The following AKAP19 variants were observed in gnomAD, a reference collection of about 807,000 sequenced individuals.
AKAP19 encodes the protein A-kinase anchoring protein 19.
the AKAP19 span, among the ~76,000 whole-genome samples, chr2:189,936,983 A>T: frequency 6.6e-6 from 1 of 152,068 alleles, no homozygotes; most frequent in African/African-American, 2.4e-5. Flanking sequence ...AAAATAAAAA[A>T]ATGTATGTGG....
the AKAP19 span, among the ~76,000 whole-genome samples, chr2:190,025,695 A>G: frequency 6.6e-6 from 1 of 152,160 alleles, no homozygotes; most frequent in African/African-American, 2.4e-5. Context: ...AATGGGCAGT[A>G]TTTGCTGTGG....
chr2:189,885,138 C>T, the AKAP19 span, among the ~76,000 whole-genome samples: 2 of 152,132 alleles, frequency 1.3e-5, no homozygotes, highest in Non-Finnish European at 2.9e-5. Flanking sequence ...GCATACCCCC[C>T]ATGAAGAGGT....
the AKAP19 span, among the ~76,000 whole-genome samples, chr2:190,158,802 C>T: frequency 6.6e-6 from 1 of 152,178 alleles, no homozygotes; most frequent in Non-Finnish European, 1.5e-5. Flanking sequence ...GATCACAGGG[C>T]AGAAGCCTCA....
chr2:190,044,395 G>A, the AKAP19 span, among the ~76,000 whole-genome samples: 1 of 152,200 alleles, frequency 6.6e-6, no homozygotes, highest in African/African-American at 2.4e-5. Flanking sequence ...GATGAGCAGT[G>A]TGGGGCCCAT....
chr2:190,035,976 A>G, the AKAP19 span, among the ~76,000 whole-genome samples: 5 of 152,176 alleles, frequency 3.3e-5, no homozygotes, highest in African/African-American at 1.2e-4. Flanking sequence ...TTATTATTAT[A>G]AGAAACAGCC....
At chr2:190,126,311 AAAAAAAAAAAAAAG>A in the AKAP19 span, among the ~76,000 whole-genome samples, 2 of 135,604 alleles carry the variant, frequency 1.5e-5, no homozygotes, top group Non-Finnish European at 3.2e-5. Context: ...AAAAAAAAAA[AAAAAAAAAAAAAAG>A]GTGTATATTT....
the AKAP19 span, among the ~76,000 whole-genome samples, chr2:189,946,904 G>T: frequency 6.6e-6 from 1 of 152,184 alleles, no homozygotes; most frequent in Non-Finnish European, 1.5e-5. Flanking sequence ...TTCAAATTGT[G>T]CTTTCCTACA....
chr2:189,963,492 G>A, the AKAP19 span, among the ~76,000 whole-genome samples: 2 of 152,076 alleles, frequency 1.3e-5, no homozygotes, highest in Non-Finnish European at 1.5e-5. Context: ...ACCGCGCCCG[G>A]CCCAGGCTTC....
the AKAP19 span, among the ~76,000 whole-genome samples, chr2:189,983,881 G>A: frequency 6.6e-6 from 1 of 152,276 alleles, no homozygotes; most frequent in Non-Finnish European, 1.5e-5. Flanking sequence ...TTAAAGCTGG[G>A]CATCCAGGGA....
chr2:189,937,417 A>G, the AKAP19 span, among the ~76,000 whole-genome samples: 1 of 152,120 alleles, frequency 6.6e-6, no homozygotes, highest in Admixed American at 6.6e-5. Context: ...TGTAGAAGCA[A>G]GTTGGCTTCA....
chr2:190,112,452 G>A, the AKAP19 span, among the ~76,000 whole-genome samples: 6 of 152,176 alleles, frequency 3.9e-5, no homozygotes, highest in Non-Finnish European at 7.4e-5. Flanking sequence ...TCAAAAAGAA[G>A]TACCTGTCTT....
chr2:189,943,180 G>A, the AKAP19 span, among the ~76,000 whole-genome samples: 2 of 152,178 alleles, frequency 1.3e-5, no homozygotes, highest in Non-Finnish European at 2.9e-5. Flanking sequence ...CAGGCCCAGA[G>A]GCCTAGGAGG....
the AKAP19 span, among the ~76,000 whole-genome samples, chr2:190,067,837 T>C: frequency 6.6e-6 from 1 of 152,196 alleles, no homozygotes; most frequent in Non-Finnish European, 1.5e-5. Context: ...CTATTTATTA[T>C]AGGCTTAAAA....
At chr2:190,002,560 A>G in the AKAP19 span, among the ~76,000 whole-genome samples, 1 of 151,720 alleles carries the variant, frequency 6.6e-6, no homozygotes, top group Non-Finnish European at 1.5e-5. Flanking sequence ...AATTTAAAAA[A>G]AGAAAGAAAT....
the AKAP19 span, among the ~76,000 whole-genome samples, chr2:190,009,677 G>A: frequency 1.3e-5 from 2 of 152,264 alleles, no homozygotes; most frequent in South Asian, 4.1e-4. Flanking sequence ...TAGGAGAAAT[G>A]TATAAGCTGG....
chr2:189,985,496 C>T, the AKAP19 span, among the ~76,000 whole-genome samples: 3 of 152,156 alleles, frequency 2.0e-5, no homozygotes, highest in Non-Finnish European at 4.4e-5. Context: ...TGCATATGTC[C>T]GTTGCTTTGA....
At chr2:189,954,029 T>C in the AKAP19 span, among the ~76,000 whole-genome samples, 1 of 152,138 alleles carries the variant, frequency 6.6e-6, no homozygotes, top group Admixed American at 6.5e-5. Flanking sequence ...ACAGGTCAAG[T>C]GAAGATGTAG....
the AKAP19 span, among the ~76,000 whole-genome samples, chr2:190,110,610 T>C: frequency 1.3e-5 from 2 of 152,186 alleles, no homozygotes; most frequent in Non-Finnish European, 2.9e-5. Context: ...GATAACAGAA[T>C]GGTAAGAAAA....
the AKAP19 span, among the ~76,000 whole-genome samples, chr2:190,136,017 G>A: frequency 6.6e-6 from 1 of 152,174 alleles, no homozygotes; most frequent in Non-Finnish European, 1.5e-5. Flanking sequence ...CATTCCAGGT[G>A]AAACAAAAAT....
Sources: gnomAD v4.1 joint callset for allele counts (sites outside exome capture counted in the v4.1 genomes callset) on GRCh38, gnomAD v4.1.1 for gene constraint, MANE v1.5 for transcripts, NCBI Gene and HGNC (gene_info 2026-07-23, HGNC 2026-07-21) for gene names.